Variants in RIMS2 observed in about 807,000 individuals in gnomAD.
The protein encoded by RIMS2 is regulating synaptic membrane exocytosis protein 2.
In RIMS2, 59 loss-of-function variants were observed where a neutral mutation model predicts 174.4. The observed-to-expected ratio is 0.34, with a 90% CI of 0.27 to 0.42. The LOEUF is 0.42. Ranked by LOEUF, RIMS2 falls within the 10% of genes least tolerant of loss-of-function variation. RIMS2 has a pLI of 1.00. For synonymous variants in RIMS2, 606 were observed against 572.5 expected (o/e 1.06, Z -0.84); for missense variants, 1,620 against 1,666.3 (o/e 0.97, Z 0.48).
intron 17 of RIMS2, among the ~76,000 whole-genome samples, chr8:103,999,814 A>G (rs1286499054): frequency 6.6e-6 from 1 of 151,702 alleles, no homozygotes; most frequent in East Asian, 1.9e-4. Context: ...TGATCATCTC[A>G]ATTTTGTACT....
intron 2 of RIMS2, among the ~76,000 whole-genome samples, chr8:103,700,483 T>C (rs1433921869): frequency 6.6e-6 from 1 of 152,046 alleles, no homozygotes; most frequent in African/African-American, 2.4e-5. Flanking sequence ...GGTATTAACA[T>C]AGTATATGTT....
intron 19 of RIMS2, chr8:104,093,536 T>C (rs1457619903): frequency 6.3e-7 from 1 of 1,597,056 alleles, no homozygotes; most frequent in East Asian, 2.2e-5. Flanking sequence ...CGGACAGTGA[T>C]GTAAGTGATA....
chr8:104,021,753 T>G (rs1448102205), intron 19 of RIMS2, among the ~76,000 whole-genome samples: 1 of 152,198 alleles, frequency 6.6e-6, no homozygotes, highest in African/African-American at 2.4e-5. Context: ...CCATGACAGA[T>G]TCTTCCTGCC....
chr8:103,816,069 T>A (rs1289046648), intron 3 of RIMS2, among the ~76,000 whole-genome samples: 4 of 152,196 alleles, frequency 2.6e-5, no homozygotes, highest in Non-Finnish European at 5.9e-5. Flanking sequence ...CATGTGAACC[T>A]GCACTATATT....
chr8:104,063,373 T>TA (rs2097041361), intron 19 of RIMS2, among the ~76,000 whole-genome samples: 1 of 152,104 alleles, frequency 6.6e-6, no homozygotes, highest in Admixed American at 6.6e-5. Context: ...TGTAAAGACA[T>TA]ACAATAATCA....
chr8:103,587,870 CA>C (rs1213414864), intron 1 of RIMS2, among the ~76,000 whole-genome samples: 3 of 151,972 alleles, frequency 2.0e-5, no homozygotes, highest in African/African-American at 7.2e-5. Context: ...CCAGTTTCAC[CA>C]CTGTGATTCA....
At chr8:103,711,580 A>G (rs2097304186) in intron 2 of RIMS2, among the ~76,000 whole-genome samples, 1 of 152,136 alleles carries the variant, frequency 6.6e-6, no homozygotes, top group South Asian at 2.1e-4. Flanking sequence ...TATAAGCTAA[A>G]TATGCAGCTC....
intron 1 of RIMS2, among the ~76,000 whole-genome samples, chr8:103,585,233 G>T (rs1473711474): frequency 6.6e-6 from 1 of 152,102 alleles, no homozygotes; most frequent in African/African-American, 2.4e-5. Flanking sequence ...AAAAAGTCAG[G>T]AAACAACAAA....
At chr8:103,552,147 T>TCA (rs1848252282) in intron 1 of RIMS2, among the ~76,000 whole-genome samples, 1 of 151,866 alleles carries the variant, frequency 6.6e-6, no homozygotes, top group Non-Finnish European at 1.5e-5. Context: ...TTGGCAAGAA[T>TCA]ATCCTAAGCC....
At position 103,669,857 on chromosome 8, in the gene RIMS2, T is replaced by C. The variant is rs915724030; in HGVS notation, c.177-27229T>C. 5.3e-5 allele frequency among the ~76,000 whole-genome samples: 8 copies of C among 152,348 alleles called. No homozygotes were observed. In the East Asian group the frequency reaches 1.5e-3, roughly 29 times the overall value. ...GCCTGTGGCTTTTCCAGGTGCACAG[T>C]GCAAGCTGTCAGTGGATCTACCATT... On this transcript the variant is annotated intron_variant, in intron 1 of 23. Transcript: ENST00000504942.
intron 19 of RIMS2, among the ~76,000 whole-genome samples, chr8:104,064,584 A>T (rs1411406598): frequency 1.6e-4 from 25 of 152,106 alleles, no homozygotes; most frequent in Admixed American, 1.6e-3. Context: ...CATATCAAAA[A>T]ACAGAGGGCC....
intron 15 of RIMS2, among the ~76,000 whole-genome samples, chr8:103,962,728 G>T (rs1481693902): frequency 1.3e-5 from 2 of 151,982 alleles, no homozygotes; most frequent in Non-Finnish European, 2.9e-5. Flanking sequence ...AGGCTCATTT[G>T]ACCCTCTCAG....
intron 5 of RIMS2, chr8:103,910,372 A>C: frequency 6.3e-7 from 1 of 1,597,130 alleles, no homozygotes; most frequent in Non-Finnish European, 8.5e-7. Flanking sequence ...GTTTTGTCGG[A>C]CTCTAACACC....
At chr8:104,120,397 G>A (rs4486167) in intron 19 of RIMS2, among the ~76,000 whole-genome samples, 1 of 151,916 alleles carries the variant, frequency 6.6e-6, no homozygotes, top group Non-Finnish European at 1.5e-5. Context: ...TTGAAAAAGT[G>A]TCTAGTAACC....
At chr8:103,963,761 A>G (rs1595931487) in intron 15 of RIMS2, among the ~76,000 whole-genome samples, 1 of 152,204 alleles carries the variant, frequency 6.6e-6, no homozygotes, top group South Asian at 2.1e-4. Context: ...TCAAATATTC[A>G]TTGGATTTGG....
At chr8:103,867,588 A>G (rs536894567) in intron 3 of RIMS2, among the ~76,000 whole-genome samples, 1 of 152,062 alleles carries the variant, frequency 6.6e-6, no homozygotes, top group African/African-American at 2.4e-5. Context: ...CATAAATACA[A>G]TAATAAATGC....
intron 1 of RIMS2, among the ~76,000 whole-genome samples, chr8:103,517,146 A>G (rs1829400230): frequency 6.6e-6 from 1 of 152,184 alleles, no homozygotes; most frequent in Non-Finnish European, 1.5e-5. Context: ...CAAATGCATG[A>G]TAAGTGCCTT....
chr8:103,861,777 C>T (rs189779364), intron 3 of RIMS2, among the ~76,000 whole-genome samples: 6 of 151,936 alleles, frequency 3.9e-5, no homozygotes, highest in Admixed American at 1.3e-4. Flanking sequence ...ATATGTTTCT[C>T]TTTGAGGAAT....
chr8:104,175,557 A>G (rs1268881364), intron 19 of RIMS2, among the ~76,000 whole-genome samples: 1 of 152,096 alleles, frequency 6.6e-6, no homozygotes, highest in Non-Finnish European at 1.5e-5. Flanking sequence ...CTGTTTTTGT[A>G]CCCATTAACT....
Sources: gnomAD v4.1 joint callset for allele counts (sites outside exome capture counted in the v4.1 genomes callset) on GRCh38, gnomAD v4.1.1 for gene constraint, MANE v1.5 for transcripts, NCBI Gene and HGNC (gene_info 2026-07-23, HGNC 2026-07-21) for gene names.